The following ZBTB20 variants were observed in gnomAD, a reference collection of about 807,000 sequenced individuals.
ZBTB20 encodes zinc finger and BTB domain-containing protein 20.
A neutral mutation model predicts 56.9 loss-of-function variants in ZBTB20; 9 were observed. The ratio of observed to expected loss-of-function variants is 0.16; its 90% CI spans 0.10 to 0.28. The LOEUF (loss-of-function observed/expected upper bound fraction) is 0.28. Ranked by LOEUF, ZBTB20 falls within the 10% of genes least tolerant of loss-of-function variation. The pLI, the probability that ZBTB20 is intolerant of heterozygous loss-of-function variation, is 1.00. For synonymous variants in ZBTB20, 417 were observed against 420.7 expected (o/e 0.99, Z 0.11); for missense variants, 655 against 1,003.0 (o/e 0.65, Z 4.69).
intron 7 of ZBTB20, among the ~76,000 whole-genome samples, chr3:114,401,116 A>ACACACACACACACC (rs2086787956): frequency 6.7e-6 from 1 of 149,694 alleles, no homozygotes. Flanking sequence ...ACACACACAC[A>ACACACACACACACC]CACTACTCCC....
intron 7 of ZBTB20, among the ~76,000 whole-genome samples, chr3:114,396,845 A>G (rs962032935): frequency 3.9e-5 from 6 of 152,108 alleles, no homozygotes; most frequent in African/African-American, 1.4e-4. Flanking sequence ...ACTCATTAAC[A>G]CTTCTTTTCA....
chr3:114,562,453 G>A (rs922588776), intron 6 of ZBTB20, among the ~76,000 whole-genome samples: 4 of 152,068 alleles, frequency 2.6e-5, no homozygotes, highest in Non-Finnish European at 5.9e-5. Context: ...GTGAGCCACC[G>A]CTCCTGTTTG....
intron 1 of ZBTB20, among the ~76,000 whole-genome samples, chr3:115,144,190 T>C (rs1489478261): frequency 5.9e-5 from 9 of 152,160 alleles, no homozygotes; most frequent in Non-Finnish European, 1.2e-4. Flanking sequence ...ACTGATTCTG[T>C]GAAGTTATTC....
chr3:115,045,481 C>T (rs1057384758), intron 2 of ZBTB20, among the ~76,000 whole-genome samples: 7 of 151,434 alleles, frequency 4.6e-5, no homozygotes, highest in Admixed American at 3.9e-4. Flanking sequence ...TACAAAGAAA[C>T]TACACCTTTC....
Position 115,095,647 on chromosome 3 carries a change from A to G in ZBTB20, c.-702-24233T>C, listed in dbSNP as rs149621676. 1.6e-4 allele frequency among the ~76,000 whole-genome samples: 25 copies of G among 152,328 alleles called. No homozygotes were observed. In the East Asian group the frequency reaches 4.6e-3, roughly 28 times the overall value. On this transcript the variant is annotated intron_variant, in intron 1 of 11. Transcript: ENST00000675478. Reference sequence around the variant, plus strand: ...GTTTCTAACACCGGCTGTAGTGGTTACTACATACATGATAGTAATCATAGA... The same window carrying G: ...GTTTCTAACACCGGCTGTAGTGGTTGCTACATACATGATAGTAATCATAGA...
chr3:114,820,269 T>G (rs149522511), intron 4 of ZBTB20, among the ~76,000 whole-genome samples: 1 of 152,098 alleles, frequency 6.6e-6, no homozygotes, highest in East Asian at 1.9e-4. Context: ...TAAGATATAA[T>G]ATTACACAGC....
At chr3:114,654,560 A>G (rs1210955197) in intron 6 of ZBTB20, among the ~76,000 whole-genome samples, 1 of 152,082 alleles carries the variant, frequency 6.6e-6, no homozygotes, top group African/African-American at 2.4e-5. Context: ...TAATAAATAA[A>G]GTAGAACATA....
intron 3 of ZBTB20, among the ~76,000 whole-genome samples, chr3:114,916,808 G>T (rs1045640244): frequency 1.3e-5 from 2 of 152,072 alleles, no homozygotes; most frequent in Non-Finnish European, 2.9e-5. Context: ...TCTACTTTTA[G>T]AATCCTTTTC....
At chr3:114,760,013 T>TA (rs1343529405) in intron 5 of ZBTB20, among the ~76,000 whole-genome samples, 1 of 152,126 alleles carries the variant, frequency 6.6e-6, no homozygotes, top group South Asian at 2.1e-4. Context: ...ATACAGAGAT[T>TA]AAAAAATATG....
chr3:114,492,192 A>C (rs13075956), intron 7 of ZBTB20, among the ~76,000 whole-genome samples: 19,670 of 152,114 alleles, frequency 0.13, 1,536 homozygotes, highest in Non-Finnish European at 0.19. Context: ...TCCCTAGGCA[A>C]TGTTATTCAT....
At chr3:114,706,593 C>T (rs751180033) in intron 5 of ZBTB20, among the ~76,000 whole-genome samples, 1 of 152,040 alleles carries the variant, frequency 6.6e-6, no homozygotes, top group Non-Finnish European at 1.5e-5. Context: ...TCCTCCAAAT[C>T]AGTAATAATA....
chr3:114,935,022 T>C (rs1213513957), intron 3 of ZBTB20, among the ~76,000 whole-genome samples: 2 of 152,188 alleles, frequency 1.3e-5, no homozygotes, highest in African/African-American at 2.4e-5. Flanking sequence ...TTTATAGATA[T>C]GATTGCTACT....
intron 6 of ZBTB20, among the ~76,000 whole-genome samples, chr3:114,551,333 T>A (rs2050552071): frequency 6.6e-6 from 1 of 152,204 alleles, no homozygotes; most frequent in African/African-American, 2.4e-5. Context: ...GTATTAAAGT[T>A]CTTTCACTTA....
chr3:114,966,206 T>C (rs2077642115), intron 3 of ZBTB20, among the ~76,000 whole-genome samples: 1 of 152,124 alleles, frequency 6.6e-6, no homozygotes. Flanking sequence ...ACTGATTTCC[T>C]TTTAAGGAAT....
At chr3:114,390,991 G>A (rs2085820168) in intron 7 of ZBTB20, among the ~76,000 whole-genome samples, 1 of 150,086 alleles carries the variant, frequency 6.7e-6, no homozygotes. Flanking sequence ...CAATTCTTCC[G>A]TTTTTTTTTT....
intron 7 of ZBTB20, among the ~76,000 whole-genome samples, chr3:114,465,075 T>TA (rs11335761): frequency 0.018 from 2,612 of 144,656 alleles, 63 homozygotes; most frequent in African/African-American, 0.059. Flanking sequence ...TTCTTGTACT[T>TA]AAAAAAAAAA....
intron 2 of ZBTB20, among the ~76,000 whole-genome samples, chr3:115,064,245 C>T (rs902405826): frequency 1.3e-5 from 2 of 152,064 alleles, no homozygotes; most frequent in Admixed American, 1.3e-4. Flanking sequence ...GTTTCCTGAA[C>T]CCTCTATCTT....
intron 4 of ZBTB20, among the ~76,000 whole-genome samples, chr3:114,817,894 A>C (rs1010343754): frequency 2.0e-5 from 3 of 152,188 alleles, no homozygotes; most frequent in African/African-American, 7.2e-5. Flanking sequence ...ATTATGCTAC[A>C]CTACACTAAG....
intron 3 of ZBTB20, among the ~76,000 whole-genome samples, chr3:114,949,481 T>G (rs985891762): frequency 2.0e-5 from 3 of 146,374 alleles, no homozygotes; most frequent in Admixed American, 6.6e-5. Flanking sequence ...AAAAGACAAC[T>G]ATAAGGTCAG....
Sources: gnomAD v4.1 joint callset for allele counts (sites outside exome capture counted in the v4.1 genomes callset) on GRCh38, gnomAD v4.1.1 for gene constraint, MANE v1.5 for transcripts, NCBI Gene and HGNC (gene_info 2026-07-23, HGNC 2026-07-21) for gene names.